Variants in SDC4 observed in about 807,000 individuals in gnomAD.
SDC4 encodes the protein syndecan-4.
SDC4 carries 17 observed loss-of-function variants against 20.5 expected under a neutral mutation model. That is an observed-to-expected ratio of 0.83 (90% CI 0.57 to 1.25). The LOEUF (loss-of-function observed/expected upper bound fraction) is 1.25, where lower values mean the gene tolerates loss of function less well. Among genes scored for constraint, SDC4 ranks in the 50% most tolerant of loss-of-function variants. The probability of loss-of-function intolerance (pLI) is 0.00; values close to 1 mark genes in which losing one functional copy is unlikely to be tolerated. For synonymous variants in SDC4, 107 were observed against 105.3 expected (o/e 1.02, Z -0.10); for missense variants, 241 against 252.3 (o/e 0.96, Z 0.30).
intron 3 of SDC4, among the ~76,000 whole-genome samples, chr20:45,331,408 C>A (rs1011470957): frequency 6.6e-6 from 1 of 152,084 alleles, no homozygotes; most frequent in African/African-American, 2.4e-5. Context: ...GGTTTTCTTA[C>A]AAAAGGGAGG....
At chr20:45,346,539 T>C (rs146751125) in intron 1 of SDC4, among the ~76,000 whole-genome samples, 24 of 152,312 alleles carry the variant, frequency 1.6e-4, no homozygotes, top group Non-Finnish European at 2.1e-4. Context: ...GGGAGGAAAC[T>C]GGCATGTGAC....
Position 45,348,364 on chromosome 20 carries a change from G to C in SDC4, c.21C>G (p.Phe7Leu), listed in dbSNP as rs770681724. ...CGCCTACGAAGAACAGCAGCAGCGC[G>C]AACAGACGGGCGGGGGCCATGGCAC... Reference protein sequence around the residue: MAPARLFALLLFFVGGV... With the variant: MAPARLLALLLFFVGGV... Residue 7 changes from phenylalanine to leucine, a missense_variant, in exon 1 of 5, where the codon TTC (phenylalanine) becomes TTG (leucine). Physicochemically the swap from Phe to Leu is conservative, Grantham distance 22 (BLOSUM62 0). Coordinates refer to ENST00000372733, the MANE Select transcript of SDC4 (RefSeq NM_002999.4). 14 of 1,590,538 alleles carry C rather than the reference G, an allele frequency of 8.8e-6. No individual in the cohort carries two copies. The highest frequency in any genetic ancestry group is 7.0e-5 in the Admixed American group (4 of 57,138).
Position 45,345,423 on chromosome 20 carries a change from C to T in SDC4, c.60+2902G>A, listed in dbSNP as rs1339177258. On this transcript the variant is annotated intron_variant, in intron 1 of 4. Transcript: ENST00000372733. ...GATGTCAGCCCAGCGGGGAAAGAGG[C>T]CTCCCCCCAACCTCATGGAACCCTC... 10 of 152,224 alleles carry T rather than the reference C, an allele frequency of 6.6e-5. No individual in the cohort carries two copies. The East Asian group carries it at 1.2e-3, about 18-fold the overall frequency. The allele number at this position is 152,224 out of a possible 1,614,324, so 9.4% of individuals were successfully genotyped here. A position where few individuals can be genotyped will look rare whatever the true frequency, so the allele number is the denominator to read the frequency against.
In SDC4 at chr20:45,327,349, C is replaced by T. The variant is rs145789563; in HGVS notation, c.512G>A (p.Arg171His). Residue 171 changes from arginine (R) to histidine (H), a missense_variant, in exon 5 of 5, where the codon CGT (arginine) becomes CAT (histidine). Coordinates refer to ENST00000372733, the MANE Select transcript of SDC4 (RefSeq NM_002999.4). ...AVFLILLLMYRMKKKDEGSYD... is the reference protein window; with the variant it reads ...AVFLILLLMYHMKKKDEGSYD... ...GCTGCCTTCATCCTTCTTCTTCATA[C>T]GGTACATGAGCAGTAGGATCAGGAA... 1.6e-4 allele frequency: 262 copies of T among 1,614,122 alleles called. No individual in the cohort carries two copies. Among genetic ancestry groups the T allele is most frequent in the Non-Finnish European group, 2.0e-4 (235 of 1,180,012 alleles).
At chr20:45,329,254 C>T (rs1038815353) in intron 4 of SDC4, among the ~76,000 whole-genome samples, 1 of 152,192 alleles carries the variant, frequency 6.6e-6, no homozygotes, top group Non-Finnish European at 1.5e-5. Context: ...AAAGAGATAA[C>T]CTGGCTTCAG....
chr20:45,348,235 G>GCCCC (rs5841588), intron 1 of SDC4, 90 bp downstream of exon 1: 70 of 890,354 alleles, frequency 7.9e-5, no homozygotes, highest in African/African-American at 7.2e-4. Flanking sequence ...CCCCCGATCT[G>GCCCC]CCCCCCCCCA....
In SDC4 at chr20:45,326,892, G is replaced by C. The variant is rs542697379; in HGVS notation, c.*372C>G. ...GAAGGCCACTGGGGGAGGACCTCCA[G>C]CCAGGACTCCACACAACATCCGTTA... is the stretch of plus-strand genomic sequence containing the variant. On this transcript the variant is annotated 3_prime_UTR_variant, in exon 5 of 5. Coordinates refer to ENST00000372733, the MANE Select transcript of SDC4 (RefSeq NM_002999.4). The C allele has an allele frequency of 6.0e-6, 1 of 167,554 alleles. No homozygotes were observed. Among genetic ancestry groups the C allele is most frequent in the African/African-American group, 2.4e-5 (1 of 42,260 alleles). 10.4% of individuals were successfully genotyped at this position (167,554 alleles called of 1,614,324 possible). A position where few individuals can be genotyped will look rare whatever the true frequency, so the allele number is the denominator to read the frequency against.
intron 1 of SDC4, among the ~76,000 whole-genome samples, chr20:45,336,582 CA>C (rs1054685526): frequency 6.6e-6 from 1 of 152,114 alleles, no homozygotes; most frequent in African/African-American, 2.4e-5. Context: ...ACACAGCTGG[CA>C]GATGGAAGAG....
chr20:45,346,310 G>C (rs1000429595), intron 1 of SDC4, among the ~76,000 whole-genome samples: 4 of 152,162 alleles, frequency 2.6e-5, no homozygotes, highest in Admixed American at 6.5e-5. Context: ...ACAGGCAGGA[G>C]GTCTGTGACA....
chr20:45,332,021 A>C (rs1299776143), intron 3 of SDC4, among the ~76,000 whole-genome samples: 4 of 152,196 alleles, frequency 2.6e-5, no homozygotes, highest in Non-Finnish European at 4.4e-5. Flanking sequence ...AACAAATTAT[A>C]AGCCATTTTT....
intron 3 of SDC4, among the ~76,000 whole-genome samples, chr20:45,332,434 T>C (rs1308886983): frequency 1.3e-5 from 2 of 152,170 alleles, no homozygotes; most frequent in African/African-American, 2.4e-5. Flanking sequence ...GTGCTGGGAT[T>C]ACAGGCATTA....
chr20:45,343,486 T>C (rs974245347), intron 1 of SDC4, among the ~76,000 whole-genome samples: 10 of 152,164 alleles, frequency 6.6e-5, no homozygotes, highest in Non-Finnish European at 2.9e-5. Context: ...CCCTCCAGGC[T>C]GCAAACTGTT....
intron 1 of SDC4, among the ~76,000 whole-genome samples, chr20:45,344,544 C>T (rs2741455): frequency 0.45 from 67,634 of 151,796 alleles, 17,251 homozygotes; most frequent in East Asian, 0.88. Context: ...TAGGAGCCAA[C>T]TTCTCCCAAC....
chr20:45,331,675 A>G (rs1321704498), intron 3 of SDC4, among the ~76,000 whole-genome samples: 1 of 152,240 alleles, frequency 6.6e-6, no homozygotes, highest in African/African-American at 2.4e-5. Flanking sequence ...TATGCTAATT[A>G]TACTACATTA....
intron 1 of SDC4, 113 bp from the exon 2 acceptor site, chr20:45,336,033 C>A (rs937902279): frequency 3.5e-6 from 4 of 1,138,378 alleles, no homozygotes; most frequent in Non-Finnish European, 3.7e-6. Flanking sequence ...CAGGCCAGGG[C>A]CTGGAGACCT....
At chr20:45,346,984 T>C (rs1988040678) in intron 1 of SDC4, among the ~76,000 whole-genome samples, 1 of 152,206 alleles carries the variant, frequency 6.6e-6, no homozygotes, top group Non-Finnish European at 1.5e-5. Flanking sequence ...GCAAGTTACT[T>C]AACCTCTCTA....
intron 4 of SDC4, among the ~76,000 whole-genome samples, chr20:45,328,675 T>C (rs574310938): frequency 8.6e-4 from 131 of 152,294 alleles, no homozygotes; most frequent in African/African-American, 2.8e-3. Context: ...CTGTGGCAGA[T>C]TGAGTTCCCT....
Position 45,348,370 on chromosome 20 carries a change from A to T in SDC4, c.15T>A (p.Arg5=). 3.1e-6 allele frequency: 5 copies of T among 1,588,272 alleles called. No homozygotes were observed. The highest frequency in any genetic ancestry group is 4.3e-6 in the Non-Finnish European group (5 of 1,169,048). MAPA[R]LFALLLFFVG... ...CGAAGAACAGCAGCAGCGCGAACAG[A>T]CGGGCGGGGGCCATGGCACCGCGGA... is the stretch of plus-strand genomic sequence containing the variant. Residue 5 remains arginine (R), a synonymous_variant, in exon 1 of 5, where the codon CGT becomes CGA. Transcript: ENST00000372733.
intron 2 of SDC4, among the ~76,000 whole-genome samples, chr20:45,334,601 G>A (rs1987832987): frequency 6.6e-6 from 1 of 151,796 alleles, no homozygotes; most frequent in Admixed American, 6.6e-5. Flanking sequence ...CAATTCTCCT[G>A]CCTCAGCCTC....
Sources: gnomAD v4.1 joint callset for allele counts (sites outside exome capture counted in the v4.1 genomes callset) on GRCh38, gnomAD v4.1.1 for gene constraint, MANE v1.5 for transcripts, NCBI Gene and HGNC (gene_info 2026-07-23, HGNC 2026-07-21) for gene names.